MAP1B: variants seen among roughly 807,000 people sequenced by gnomAD.
The protein encoded by MAP1B is microtubule associated protein 1B.
MAP1B carries 12 observed loss-of-function variants against 176.1 expected under a neutral mutation model. The ratio of observed to expected loss-of-function variants is 0.07; its 90% CI spans 0.04 to 0.11. MAP1B has a LOEUF of 0.11. Among genes scored for constraint, MAP1B ranks in the 10% least tolerant of loss-of-function variants. The probability of loss-of-function intolerance (pLI) is 1.00; values close to 1 mark genes in which losing one functional copy is unlikely to be tolerated. For missense variants in MAP1B, 2,523 were observed against 2,990.5 expected, an observed-to-expected ratio of 0.84 and a Z score of 3.65; for synonymous variants, 1,044 against 1,135.0, an observed-to-expected ratio of 0.92 and a Z score of 1.61.
intron 1 of MAP1B, among the ~76,000 whole-genome samples, chr5:72,111,642 G>C (rs1377358018): frequency 6.6e-6 from 1 of 152,148 alleles, no homozygotes; most frequent in African/African-American, 2.4e-5. Flanking sequence ...CAAAGTCGAA[G>C]ACAGATGGAT....
At chr5:72,164,149 T>G (rs1746383655) in intron 2 of MAP1B, among the ~76,000 whole-genome samples, 1 of 151,980 alleles carries the variant, frequency 6.6e-6, no homozygotes, top group Non-Finnish European at 1.5e-5. Context: ...CAGGCTGGTC[T>G]TGAGCTCCTG....
At chr5:72,189,002 C>T in intron 4 of MAP1B, among the ~76,000 whole-genome samples, 1 of 152,190 alleles carries the variant, frequency 6.6e-6, no homozygotes, top group Non-Finnish European at 1.5e-5. Context: ...GGTTGAGTAA[C>T]TGAATAACAA....
chr5:72,162,644 G>A (rs3098386), intron 2 of MAP1B, among the ~76,000 whole-genome samples: 115,501 of 152,092 alleles, frequency 0.76, 45,019 homozygotes, highest in South Asian at 0.92. Flanking sequence ...CTTAAATTCT[G>A]TCACCTCGGT....
chr5:72,197,667 T>C lies in MAP1B; in HGVS notation c.4312T>C (p.Ser1438Pro). 2 of 1,614,076 alleles carry C rather than the reference T, an allele frequency of 1.2e-6. No homozygotes were observed. The highest frequency in any genetic ancestry group is 2.2e-5 in the South Asian group (2 of 91,078). The change falls in exon 5 of 7, where the codon TCT (serine) becomes CCT (proline). Residue 1438 changes from serine (S) to proline (P), a missense_variant. By Grantham distance (74) the Ser-to-Pro change is moderately conservative (BLOSUM62 -1). Around this residue, in one of 4 missense-constraint regions of MAP1B, gnomAD observed 1,925 missense variants for 2,126.0 expected, o/e 0.91. Transcript: ENST00000296755. ...PFEEKSGKQG[S>P]PDQVSPVSEM... ...TGAAGAAAAGAGTGGAAAACAAGGCTCTCCAGACCAAGTAAGTCCAGTTTC... is the reference window on the plus strand; with the variant it reads ...TGAAGAAAAGAGTGGAAAACAAGGCCCTCCAGACCAAGTAAGTCCAGTTTC...
intron 2 of MAP1B, among the ~76,000 whole-genome samples, chr5:72,121,510 T>G (rs1745529922): frequency 6.6e-6 from 1 of 152,226 alleles, no homozygotes. Flanking sequence ...CAGCTGAGCA[T>G]CTTTAGATTT....
chr5:72,180,576 C>T (rs1244545630), intron 2 of MAP1B, among the ~76,000 whole-genome samples: 1 of 152,228 alleles, frequency 6.6e-6, no homozygotes, highest in Admixed American at 6.5e-5. Context: ...CAATAAATTA[C>T]AGTATTTAGC....
At position 72,197,420 on chromosome 5, in the gene MAP1B, A is replaced by G; in HGVS notation, c.4065A>G (p.Lys1355=). 1 of 1,614,062 alleles carries G rather than the reference A, an allele frequency of 6.2e-7. No homozygotes were observed. Among genetic ancestry groups the G allele is most frequent in the Non-Finnish European group, 8.5e-7 (1 of 1,180,006 alleles). The change falls in exon 5 of 7, where the codon AAA becomes AAG. Residue 1355 remains lysine (K), a synonymous_variant. Coordinates refer to ENST00000296755, the MANE Select transcript of MAP1B (RefSeq NM_005909.5). Reference sequence around the variant, plus strand: ...ATCTCCCTACAGAAGTCATTGAAAAACCACCAGCAGTTCCAGTGAGTTTTG... The same window carrying G: ...ATCTCCCTACAGAAGTCATTGAAAAGCCACCAGCAGTTCCAGTGAGTTTTG... ...SSHLPTEVIE[K]PPAVPVSFEF...
chr5:72,183,924 C>A, intron 3 of MAP1B, 99 bp downstream of exon 3: 2 of 1,017,166 alleles, frequency 2.0e-6, no homozygotes, highest in Non-Finnish European at 3.0e-6. Flanking sequence ...AGGAGAGGGA[C>A]ACAACAGAGA....
At chr5:72,178,918 AC>A (rs1276076054) in intron 2 of MAP1B, among the ~76,000 whole-genome samples, 1 of 152,198 alleles carries the variant, frequency 6.6e-6, no homozygotes, top group East Asian at 1.9e-4. Context: ...ACCTTATAAG[AC>A]ACATAGGTTC....
chr5:72,186,819 A>C lies in MAP1B; in HGVS notation c.510+65A>C. ...TGGTTGCCTTAGGTTCCTCTTTGAG[A>C]GCACTGGGGGAGACAAAAGAAGAAG... On this transcript the variant is annotated intron_variant, in intron 4 of 6. Coordinates refer to ENST00000296755, the MANE Select transcript of MAP1B (RefSeq NM_005909.5). The surrounding 1 kb of genome is among the most constrained non-coding windows in gnomAD (Gnocchi z 4.3). The C allele has an allele frequency of 6.3e-7, 1 of 1,584,302 alleles. No homozygotes were observed. The highest frequency in any genetic ancestry group is 8.6e-7 in the Non-Finnish European group (1 of 1,159,132).
At position 72,205,333 on chromosome 5, in the gene MAP1B, TAA is replaced by T; in HGVS notation, c.*95_*96del. The T allele has an allele frequency of 1.5e-6, 2 of 1,303,204 alleles. No homozygotes were observed. Among genetic ancestry groups the T allele is most frequent in the Non-Finnish European group, 2.1e-6 (2 of 932,610 alleles). The allele number at this position is 1,303,204 out of a possible 1,614,324, so 80.7% of individuals were successfully genotyped here. On this transcript the variant is annotated 3_prime_UTR_variant, in exon 7 of 7. Coordinates refer to ENST00000296755, the MANE Select transcript of MAP1B (RefSeq NM_005909.5). ...TTTCTAAAAAGTCAATTCATCTAGT[TAA>T]GTCGCTGAACAATTACCTGCCAAAT...
In MAP1B at chr5:72,199,347, G is replaced by T. The variant is rs1406801362; in HGVS notation, c.5992G>T (p.Gly1998Cys). ...TGGCTATGATGACTCTGAGGATGGT[G>T]GCCACACACTTGGGGACCCCAGCTA... is the stretch of plus-strand genomic sequence containing the variant. The part of the protein sequence containing the change: ...SNGYDDSEDG[G>C]HTLGDPSYSY... Residue 1998 changes from glycine to cysteine, a missense_variant, in exon 5 of 7, where the codon GGC becomes TGC. This residue lies in a region of MAP1B where 1,925 missense variants were observed against 2,126.0 expected (regional missense o/e 0.91). Transcript: ENST00000296755. The surrounding 1 kb of genome is among the most constrained non-coding windows in gnomAD (Gnocchi z 4.2). 6.2e-7 allele frequency: 1 copy of T among 1,614,104 alleles called. No homozygotes were observed. The highest frequency in any genetic ancestry group is 8.5e-7 in the Non-Finnish European group (1 of 1,180,026).
At chr5:72,109,556 A>G (rs1286035520) in intron 1 of MAP1B, among the ~76,000 whole-genome samples, 1 of 152,238 alleles carries the variant, frequency 6.6e-6, no homozygotes, top group Non-Finnish European at 1.5e-5. Flanking sequence ...TTTTCTATCT[A>G]CAAAATCTTC....
In MAP1B at chr5:72,199,183, T is replaced by C. The variant is rs1747262499; in HGVS notation, c.5828T>C (p.Ile1943Thr). ...GATGGTGACTATTCCTATGAAATTA[T>C]TGAGAAGACCACACGGACCCCTGAA... ...PEDGDYSYEIIEKTTRTPEEG... is the reference protein window; with the variant it reads ...PEDGDYSYEITEKTTRTPEEG... The change falls in exon 5 of 7, where the codon ATT (isoleucine) becomes ACT (threonine). Residue 1943 changes from isoleucine to threonine, a missense_variant. Coordinates refer to ENST00000296755, the MANE Select transcript of MAP1B (RefSeq NM_005909.5). The surrounding 1 kb of genome is among the most constrained non-coding windows in gnomAD (Gnocchi z 4.2). 1.2e-5 allele frequency: 20 copies of C among 1,614,070 alleles called. No homozygotes were observed. Among genetic ancestry groups the C allele is most frequent in the Non-Finnish European group, 1.5e-5 (18 of 1,180,014 alleles).
At position 72,120,269 on chromosome 5, in the gene MAP1B, G is replaced by A. The variant is rs542171579; in HGVS notation, c.286+4470G>A. Among the ~76,000 whole-genome samples, 241 of 152,192 alleles carry A rather than the reference G, an allele frequency of 1.6e-3. 3 individuals are homozygous for A. Among genetic ancestry groups the A allele is most frequent in the Non-Finnish European group, 2.1e-3 (145 of 68,012 alleles). ...CATCTGACTCCTCATCAGCAGCCTA[G>A]CATAATGATGAAGAGTACAGATTCT... On this transcript the variant is annotated intron_variant, in intron 2 of 6. Transcript: ENST00000296755.
At chr5:72,193,303 G>A in intron 4 of MAP1B, 2 of 420,700 alleles carry the variant, frequency 4.8e-6, no homozygotes, top group South Asian at 1.7e-5. Context: ...CACAACAAGT[G>A]CCCTGTTAAT....
At position 72,194,455 on chromosome 5, in the gene MAP1B, A is replaced by G. The variant is rs1747099128; in HGVS notation, c.1100A>G (p.Asn367Ser). The G allele has an allele frequency of 6.2e-7, 1 of 1,613,932 alleles. No homozygotes were observed. The highest frequency in any genetic ancestry group is 8.5e-7 in the Non-Finnish European group (1 of 1,180,038). ...CTCAATGTACCTGAAAATCTCAAAA[A>G]TCCAGAGCCAAACATCAAGATGAAG... ...VFLNVPENLKNPEPNIKMKRS... is the reference protein window; with the variant it reads ...VFLNVPENLKSPEPNIKMKRS... The change falls in exon 5 of 7, where the codon AAT becomes AGT. Residue 367 changes from asparagine to serine, a missense_variant. By Grantham distance (46) the Asn-to-Ser change is conservative. Transcript: ENST00000296755. The surrounding 1 kb of genome is among the most constrained non-coding windows in gnomAD (Gnocchi z 7.2).
At position 72,199,695 on chromosome 5, in the gene MAP1B, G is replaced by A. The variant is rs369796000; in HGVS notation, c.6340G>A (p.Glu2114Lys). 1.2e-6 allele frequency: 2 copies of A among 1,613,998 alleles called. No homozygotes were observed. Among genetic ancestry groups the A allele is most frequent in the Non-Finnish European group, 8.5e-7 (1 of 1,180,020 alleles). Residue 2114 changes from glutamate (E) to lysine (K), a missense_variant, in exon 5 of 7, where the codon GAA becomes AAA. Physicochemically the swap from Glu to Lys is moderately conservative, Grantham distance 56. Around this residue, in one of 4 missense-constraint regions of MAP1B, gnomAD observed 1,925 missense variants for 2,126.0 expected, o/e 0.91. Coordinates refer to ENST00000296755, the MANE Select transcript of MAP1B (RefSeq NM_005909.5). The surrounding 1 kb of genome is among the most constrained non-coding windows in gnomAD (Gnocchi z 4.2). Reference sequence around the variant, plus strand: ...TCCTCTTGAGTGGTTTGCCAGTGAAGAACCCACTGAAGAATCTGAAAAGCC... The same window carrying A: ...TCCTCTTGAGTGGTTTGCCAGTGAAAAACCCACTGAAGAATCTGAAAAGCC... ...PNPLEWFASE[E>K]PTEESEKPLT...
At chr5:72,160,575 T>C (rs926123945) in intron 2 of MAP1B, among the ~76,000 whole-genome samples, 1 of 152,252 alleles carries the variant, frequency 6.6e-6, no homozygotes, top group Non-Finnish European at 1.5e-5. Context: ...AGTAGCCTCA[T>C]GATGTCATCA....
Sources: gnomAD v4.1 joint callset for allele counts (sites outside exome capture counted in the v4.1 genomes callset) on GRCh38, gnomAD v4.1.1 for gene constraint, gnomAD v4.1.1 regional missense constraint, Gnocchi (gnomAD v3.1) non-coding constraint, MANE v1.5 for transcripts, NCBI Gene and HGNC (gene_info 2026-07-23, HGNC 2026-07-21) for gene names.